The following FAM107B variants were observed in gnomAD, a reference collection of about 807,000 sequenced individuals.
The protein encoded by FAM107B is family with sequence similarity 107 member B.
FAM107B carries 21 observed loss-of-function variants against 31.5 expected under a neutral mutation model. The ratio of observed to expected loss-of-function variants is 0.67; its 90% CI spans 0.47 to 0.96. FAM107B has a LOEUF of 0.96. FAM107B is among the 40% of genes least tolerant of loss of function. The pLI, the probability that FAM107B is intolerant of heterozygous loss-of-function variation, is 0.00. For synonymous variants in FAM107B, 157 were observed against 141.5 expected (o/e 1.11, Z -0.78); for missense variants, 452 against 377.1 (o/e 1.20, Z -1.64).
At position 14,521,961 on chromosome 10, in the gene FAM107B, C is replaced by G. The variant is rs139987994; in HGVS notation, c.712G>C (p.Asp238His). The G allele has an allele frequency of 6.2e-7, 1 of 1,614,012 alleles. No individual in the cohort carries two copies. The highest frequency in any genetic ancestry group is 8.5e-7 in the Non-Finnish European group (1 of 1,180,032). ...TCTTCCTTCTGCTTTATTACTTGGT[C>G]TCGTTTTCTTTTTTCCATCACCTTC... is the stretch of plus-strand genomic sequence containing the variant. ...LQKVMEKRKR[D>H]QVIKQKEEEA... The change falls in exon 4 of 5, where the codon GAC becomes CAC. Residue 238 changes from aspartate (D) to histidine (H), a missense_variant. By Grantham distance (81) the Asp-to-His change is moderately conservative. Coordinates refer to ENST00000181796, the MANE Select transcript of FAM107B (RefSeq NM_031453.4).
intron 1 of FAM107B, among the ~76,000 whole-genome samples, chr10:14,673,203 C>T (rs1203680792): frequency 2.6e-5 from 4 of 152,082 alleles, no homozygotes; most frequent in Non-Finnish European, 5.9e-5. Context: ...CTAGAGTCAC[C>T]CTGCAGTGCT....
chr10:14,771,408 C>T (rs12249527), intron 1 of FAM107B, among the ~76,000 whole-genome samples: 3,333 of 152,148 alleles, frequency 0.022, 124 homozygotes, highest in African/African-American at 0.076. Flanking sequence ...TTCGAGTATT[C>T]GATAGTACGG....
At chr10:14,536,472 G>C (rs999517070) in intron 2 of FAM107B, among the ~76,000 whole-genome samples, 1 of 152,164 alleles carries the variant, frequency 6.6e-6, no homozygotes, top group Non-Finnish European at 1.5e-5. Context: ...ACTCCAGGCC[G>C]GGTCAGCCTG....
At chr10:14,663,015 T>A (rs1854287916) in intron 2 of FAM107B, among the ~76,000 whole-genome samples, 1 of 152,218 alleles carries the variant, frequency 6.6e-6, no homozygotes, top group Admixed American at 6.5e-5. Context: ...GTAGACTTGC[T>A]GAGTCTTCCG....
intron 1 of FAM107B, among the ~76,000 whole-genome samples, chr10:14,725,338 C>T (rs1394043235): frequency 6.6e-6 from 1 of 152,194 alleles, no homozygotes; most frequent in East Asian, 1.9e-4. Flanking sequence ...TGAGATTTCT[C>T]CTCAAAGGCA....
chr10:14,575,058 TAA>T (rs1382393007), intron 2 of FAM107B, among the ~76,000 whole-genome samples: 1 of 152,186 alleles, frequency 6.6e-6, no homozygotes, highest in Non-Finnish European at 1.5e-5. Context: ...CTCATAAAAC[TAA>T]GTTATCTGTA....
intron 1 of FAM107B, among the ~76,000 whole-genome samples, chr10:14,683,869 C>T (rs934140280): frequency 1.1e-4 from 16 of 152,312 alleles, no homozygotes; most frequent in Admixed American, 3.9e-4. Context: ...ACATGCATGT[C>T]CCCCGGCCTT....
rs1564621080 is a variant in FAM107B, at chr10:14,671,905, C to CAAA, written c.412-4215_412-4214insTTT. 1.2e-4 allele frequency among the ~76,000 whole-genome samples: 16 copies of CAAA among 137,782 alleles called. 2 individuals are homozygous for CAAA. Among genetic ancestry groups the CAAA allele is most frequent in the African/African-American group, 4.6e-4 (16 of 34,654 alleles). The allele number at this position is 137,782 out of a possible 152,430, so 90.4% of individuals were successfully genotyped here. On this transcript the variant is annotated intron_variant, in intron 1 of 4. Transcript: ENST00000181796. The stretch of plus-strand genomic sequence containing the variant: ...AAAAACAAAAAAACAAAAAAAAAAC[C>CAAA]CTCTATTTCTTTTTAAATCAAACTG...
At chr10:14,731,726 G>A (rs1856178643) in intron 1 of FAM107B, among the ~76,000 whole-genome samples, 1 of 152,026 alleles carries the variant, frequency 6.6e-6, no homozygotes, top group Admixed American at 6.6e-5. Flanking sequence ...CCTTTTCTAT[G>A]TTTAGATACA....
chr10:14,596,573 T>A (rs929267736), intron 2 of FAM107B, among the ~76,000 whole-genome samples: 1 of 152,162 alleles, frequency 6.6e-6, no homozygotes, highest in African/African-American at 2.4e-5. Context: ...TTACCAGTAT[T>A]ATTACTGCAT....
chr10:14,632,476 T>G (rs1001517190), intron 2 of FAM107B, among the ~76,000 whole-genome samples: 4 of 151,486 alleles, frequency 2.6e-5, no homozygotes, highest in African/African-American at 4.8e-5. Context: ...CTGGGCGTGG[T>G]GGCGGGCGCC....
At chr10:14,608,383 G>T (rs113959428) in intron 2 of FAM107B, among the ~76,000 whole-genome samples, 55 of 152,284 alleles carry the variant, frequency 3.6e-4, no homozygotes, top group African/African-American at 1.3e-3. Flanking sequence ...AACTTTAGTG[G>T]CTTAAAATAA....
At chr10:14,665,137 G>T (rs1329537758) in intron 2 of FAM107B, among the ~76,000 whole-genome samples, 2 of 152,186 alleles carry the variant, frequency 1.3e-5, no homozygotes, top group African/African-American at 4.8e-5. Flanking sequence ...CTTTTATTGT[G>T]TCAATAATGT....
At chr10:14,673,646 C>T (rs558305445) in intron 1 of FAM107B, among the ~76,000 whole-genome samples, 1 of 152,308 alleles carries the variant, frequency 6.6e-6, no homozygotes, top group African/African-American at 2.4e-5. Flanking sequence ...CCTTTGGATG[C>T]ATACCCAGCA....
At chr10:14,653,006 C>G (rs1853940966) in intron 2 of FAM107B, among the ~76,000 whole-genome samples, 1 of 152,206 alleles carries the variant, frequency 6.6e-6, no homozygotes, top group South Asian at 2.1e-4. Context: ...CTTCTAGAAA[C>G]ATGGCCATCA....
chr10:14,723,626 T>A, intron 1 of FAM107B: 1 of 707,266 alleles, frequency 1.4e-6, no homozygotes, highest in Non-Finnish European at 2.6e-6. Flanking sequence ...AGAGCAATGA[T>A]GGGAAGGTTA....
intron 1 of FAM107B, among the ~76,000 whole-genome samples, chr10:14,683,120 C>T (rs1250934287): frequency 6.6e-6 from 1 of 152,178 alleles, no homozygotes; most frequent in East Asian, 1.9e-4. Context: ...GGAATCCACG[C>T]CATCCGCCTG....
chr10:14,622,016 C>A (rs374205824), intron 2 of FAM107B, among the ~76,000 whole-genome samples: 1 of 152,134 alleles, frequency 6.6e-6, no homozygotes, highest in Non-Finnish European at 1.5e-5. Flanking sequence ...AAAACATGAC[C>A]GCTTATACCA....
chr10:14,768,312 G>C (rs1003531927), intron 1 of FAM107B, among the ~76,000 whole-genome samples: 3 of 152,128 alleles, frequency 2.0e-5, no homozygotes, highest in African/African-American at 7.2e-5. Context: ...AATTTATAGA[G>C]AATCTCAAGA....
Sources: gnomAD v4.1 joint callset for allele counts (sites outside exome capture counted in the v4.1 genomes callset) on GRCh38, gnomAD v4.1.1 for gene constraint, MANE v1.5 for transcripts, NCBI Gene and HGNC (gene_info 2026-07-23, HGNC 2026-07-21) for gene names.